The following ZNF43 variants were observed in gnomAD, a reference collection of about 807,000 sequenced individuals.
The protein encoded by ZNF43 is zinc finger protein 43, also known as zinc finger protein 39-like 1 (KOX 27).
ZNF43 carries 44 observed loss-of-function variants against 68.4 expected under a neutral mutation model. The observed-to-expected ratio is 0.64, with a 90% CI of 0.51 to 0.83. The LOEUF is 0.83. Among genes scored for constraint, ZNF43 ranks in the 40% least tolerant of loss-of-function variants. The pLI, the probability that ZNF43 is intolerant of heterozygous loss-of-function variation, is 0.00. For synonymous variants in ZNF43, 308 were observed against 307.8 expected (o/e 1.00, Z -0.01); for missense variants, 896 against 933.2 (o/e 0.96, Z 0.52).
At chr19:21,833,235 A>C (rs945614556) in intron 1 of ZNF43, among the ~76,000 whole-genome samples, 2 of 140,010 alleles carry the variant, frequency 1.4e-5, no homozygotes, top group Admixed American at 6.8e-5. Flanking sequence ...TCACTCTGGG[A>C]AAGAGAAAGG....
At chr19:21,818,534 C>G (rs1444935856) in intron 2 of ZNF43, among the ~76,000 whole-genome samples, 2 of 152,104 alleles carry the variant, frequency 1.3e-5, no homozygotes, top group Non-Finnish European at 2.9e-5. Context: ...CATTCTCCTG[C>G]CTCAGGCTCC....
chr19:21,848,302 C>T (rs754823482), intron 1 of ZNF43, among the ~76,000 whole-genome samples: 22 of 152,104 alleles, frequency 1.4e-4, no homozygotes, highest in African/African-American at 5.1e-4. Flanking sequence ...CGCCACCACA[C>T]GTGGCTAATT....
At chr19:21,838,796 CTCAATCTT>C (rs1967301564), upstream of ZNF43, 1 of 152,138 alleles carries the variant, frequency 6.6e-6, no homozygotes. Flanking sequence ...ACCAGAGCAA[CTCAATCTT>C]GAATAGCAGC....
intron 1 of ZNF43, chr19:21,827,302 GTTTA>G (rs910064503): frequency 3.3e-5 from 5 of 151,518 alleles, no homozygotes; most frequent in African/African-American, 9.7e-5. Flanking sequence ...GAAATCTTGA[GTTTA>G]TTCATATAGT....
Position 21,811,869 on chromosome 19 carries a change from A to C in ZNF43, c.230-2062T>G, listed in dbSNP as rs543497811. On this transcript the variant is annotated intron_variant, in intron 3 of 3. Transcript: ENST00000354959. ...CAAATATTTTAAATAAAACACATAG[A>C]AAAAAGGAACTAACAAATCTTTTAA... 8.0e-6 allele frequency: 3 copies of C among 376,972 alleles called. No homozygotes were observed. In the East Asian group the frequency reaches 1.1e-4, roughly 14 times the overall value. The allele number at this position is 376,972 out of a possible 1,614,324, so 23.4% of individuals were successfully genotyped here. A position where few individuals can be genotyped will look rare whatever the true frequency, so the allele number is the denominator to read the frequency against.
chr19:21,814,110 T>C (rs1284681358), intron 3 of ZNF43, among the ~76,000 whole-genome samples: 2 of 151,938 alleles, frequency 1.3e-5, no homozygotes, highest in Admixed American at 6.6e-5. Context: ...ATGTTACATG[T>C]TTTTACAACA....
At chr19:21,835,950 G>A (rs965402077) in intron 1 of ZNF43, 86 bp downstream of exon 1, 2 of 1,603,810 alleles carry the variant, frequency 1.2e-6, no homozygotes, top group African/African-American at 1.3e-5. Flanking sequence ...ACTCCGGCAC[G>A]CGCAGATTGT....
chr19:21,842,054 T>A (rs1967572688), intron 1 of ZNF43, among the ~76,000 whole-genome samples: 1 of 152,026 alleles, frequency 6.6e-6, no homozygotes, highest in Admixed American at 6.5e-5. Context: ...ACTCTCCTTT[T>A]CTAACTGAAA....
Position 21,836,023 on chromosome 19 carries a change from C to A in ZNF43, c.3+13G>T. On this transcript the variant is annotated intron_variant, in intron 1 of 3. Transcript: ENST00000354959. ...CCCTTCCCCCTCTCGGGATGTCGGA[C>A]CGGCACTCTCACCATTTCTAGGCTT... 1 of 1,613,994 alleles carries A rather than the reference C, an allele frequency of 6.2e-7. No homozygotes were observed. Among genetic ancestry groups the A allele is most frequent in the Non-Finnish European group, 8.5e-7 (1 of 1,179,850 alleles).
rs561403092 is a variant in ZNF43, at chr19:21,810,785, A to AAAT, written c.230-981_230-979dup. 9.9e-5 allele frequency among the ~76,000 whole-genome samples: 15 copies of AAAT among 152,072 alleles called. No homozygotes were observed. In the South Asian group the frequency reaches 3.1e-3, roughly 32 times the overall value. On this transcript the variant is annotated intron_variant, in intron 3 of 3. Coordinates refer to ENST00000354959, the MANE Select transcript of ZNF43 (RefSeq NM_003423.4). ...CAACATAGTGAGACTCTGTCTCTAC[A>AAAT]AATAATAATAAAAAATTAGCCAGGG... is the stretch of plus-strand genomic sequence containing the variant.
chr19:21,834,015 T>C (rs902526188), intron 1 of ZNF43, among the ~76,000 whole-genome samples: 1 of 150,634 alleles, frequency 6.6e-6, no homozygotes, highest in Non-Finnish European at 1.5e-5. Flanking sequence ...CAACAAGAGC[T>C]AAACTCCATC....
chr19:21,834,752 G>A lies in ZNF43; in HGVS notation c.3+1284C>T, dbSNP rs575252055. Among the ~76,000 whole-genome samples the A allele has an allele frequency of 2.0e-5, 3 of 149,370 alleles. No individual in the cohort carries two copies. In the South Asian group the frequency reaches 6.4e-4, roughly 32 times the overall value. On this transcript the variant is annotated intron_variant, in intron 1 of 3. Transcript: ENST00000354959. ...TGGGAAACAAAGCGAGAGGAAGGAT[G>A]GAAGCAAGGATGGAAAGATGGAAGG...
intron 1 of ZNF43, among the ~76,000 whole-genome samples, chr19:21,821,517 G>A (rs1032702911): frequency 3.4e-4 from 52 of 152,006 alleles, no homozygotes; most frequent in African/African-American, 1.2e-3. Flanking sequence ...ATTCTGCATA[G>A]AGCTAATAAA....
chr19:21,811,901 A>G (rs1256663909), intron 3 of ZNF43: 1 of 387,928 alleles, frequency 2.6e-6, no homozygotes, highest in African/African-American at 2.1e-5. Flanking sequence ...TTAAAAAGAA[A>G]TATGGAAAAA....
rs1258059378 is a variant in ZNF43, at chr19:21,836,104, C to G, written c.-66G>C. ...CCCCCAATACCCGCAGGTCACAGAG[C>G]CACAGAGGCTGGACCTCTAGCAGCA... On this transcript the variant is annotated 5_prime_UTR_variant, in exon 1 of 4. Coordinates refer to ENST00000354959, the MANE Select transcript of ZNF43 (RefSeq NM_003423.4). 1 of 1,611,528 alleles carries G rather than the reference C, an allele frequency of 6.2e-7. No homozygotes were observed. The highest frequency in any genetic ancestry group is 1.7e-5 in the Admixed American group (1 of 59,874).
intron 1 of ZNF43, among the ~76,000 whole-genome samples, chr19:21,847,856 CAG>C (rs1475109721): frequency 1.3e-5 from 2 of 152,114 alleles, no homozygotes; most frequent in African/African-American, 2.4e-5. Flanking sequence ...TTTTTTGAGA[CAG>C]AGTCTCGCTC....
intron 3 of ZNF43, among the ~76,000 whole-genome samples, chr19:21,810,872 G>A (rs571657401): frequency 6.6e-6 from 1 of 152,238 alleles, no homozygotes; most frequent in African/African-American, 2.4e-5. Context: ...GAGCCCAGGA[G>A]GTTGAGGCTG....
upstream of ZNF43, chr19:21,836,355 G>GC: frequency 1.0e-6 from 1 of 955,166 alleles, no homozygotes; most frequent in African/African-American, 1.7e-5. Context: ...TGACAGCCTA[G>GC]GCTGCCGCCT....
At position 21,804,973 on chromosome 19, in the gene ZNF43, CTTTA is replaced by C. The variant is rs1339454181; in HGVS notation, c.*2630_*2633del. ...TATTCATGACTCAGGAATGTATGGA[CTTTA>C]TTTATACTTCTATATAATTTTTATA... On this transcript the variant is annotated 3_prime_UTR_variant, in exon 4 of 4. Coordinates refer to ENST00000354959, the MANE Select transcript of ZNF43 (RefSeq NM_003423.4). The C allele has an allele frequency of 1.3e-5, 2 of 152,196 alleles. No individual in the cohort carries two copies. Among genetic ancestry groups the C allele is most frequent in the East Asian group, 1.9e-4 (1 of 5,186 alleles). 9.4% of individuals were successfully genotyped at this position (152,196 alleles called of 1,614,324 possible).
Sources: gnomAD v4.1 joint callset for allele counts (sites outside exome capture counted in the v4.1 genomes callset) on GRCh38, gnomAD v4.1.1 for gene constraint, MANE v1.5 for transcripts, NCBI Gene and HGNC (gene_info 2026-07-23, HGNC 2026-07-21) for gene names.